NEURL4: variants seen among roughly 807,000 people sequenced by gnomAD.
The protein encoded by NEURL4 is neuralized E3 ubiquitin protein ligase 4.
Under a neutral mutation model 148.0 loss-of-function variants are expected in NEURL4, and 45 were observed. The observed-to-expected ratio is 0.30, with a 90% CI of 0.24 to 0.39. The LOEUF (loss-of-function observed/expected upper bound fraction) is 0.39. NEURL4 is among the 10% of genes least tolerant of loss of function. The pLI is 1.00. For missense variants in NEURL4, 1,776 were observed against 2,144.0 expected (o/e 0.83, Z 3.39); for synonymous variants, 854 against 869.0 (o/e 0.98, Z 0.30).
At position 7,329,044 on chromosome 17, in the gene NEURL4, C is replaced by T. The variant is rs763939883; in HGVS notation, c.269G>A (p.Arg90His). ...CCAGCGCTGCACCTTGCGGTCGATGCGGACGGTGAAGACGCGTCCATCGCG... is the reference window on the plus strand; with the variant it reads ...CCAGCGCTGCACCTTGCGGTCGATGTGGACGGTGAAGACGCGTCCATCGCG... ...PLRDGRVFTV[R>H]IDRKVNSWSG... is the part of the protein sequence containing the mutation. The change falls in exon 1 of 29, where the codon CGC (arginine) becomes CAC (histidine). Residue 90 changes from arginine (R) to histidine (H), a missense_variant. Physicochemically the swap from Arg to His is conservative, Grantham distance 29. Transcript: ENST00000399464. 1 of 1,580,412 alleles carries T rather than the reference C, an allele frequency of 6.3e-7. No individual in the cohort carries two copies. Among genetic ancestry groups the T allele is most frequent in the Non-Finnish European group, 8.6e-7 (1 of 1,161,236 alleles).
Position 7,325,464 on chromosome 17 carries a change from G to C in NEURL4, c.1376C>G (p.Thr459Ser). 2 of 1,611,214 alleles carry C rather than the reference G, an allele frequency of 1.2e-6. No homozygotes were observed. Among genetic ancestry groups the C allele is most frequent in the Middle Eastern group, 1.7e-4 (1 of 6,056 alleles). The stretch of plus-strand genomic sequence containing the variant: ...ATACACCACTGGGGGCGTCAAGGGG[G>C]TTGCCACTCCTGTGGCAGGAAGGTA... ...FINGIDQGVA[T>S]PLTPPVVYGV... The change falls in exon 8 of 29, where the codon ACC becomes AGC. Residue 459 changes from threonine to serine, a missense_variant. Physicochemically the swap from Thr to Ser is moderately conservative, Grantham distance 58. Transcript: ENST00000399464.
In NEURL4 at chr17:7,324,750, A is replaced by G; in HGVS notation, c.1813+49T>C. The G allele has an allele frequency of 6.3e-7, 1 of 1,591,724 alleles. No individual in the cohort carries two copies. Among genetic ancestry groups the G allele is most frequent in the Non-Finnish European group, 8.6e-7 (1 of 1,161,446 alleles). On this transcript the variant is annotated intron_variant, in intron 9 of 28. Coordinates refer to ENST00000399464, the MANE Select transcript of NEURL4 (RefSeq NM_032442.3). This position sits in a 1 kb window ranked among gnomAD's most constrained non-coding sequence, Gnocchi z 5.9. The stretch of plus-strand genomic sequence containing the variant: ...GAACAAGTGCCAGGGCTTTGGGGAT[A>G]GCTTCCCCCCAAAACCCTATCCTGT...
At position 7,320,786 on chromosome 17, in the gene NEURL4, T is replaced by C. The variant is rs1218385436; in HGVS notation, c.3498A>G (p.Gln1166=). ...SYNQGIVVIN[Q]PLVPQLLVQV... ...GCACCAGCAGCTGGGGCACCAGAGGTTGGTTGATGACAACGATGCCCTGAT... is the reference window on the plus strand; with the variant it reads ...GCACCAGCAGCTGGGGCACCAGAGGCTGGTTGATGACAACGATGCCCTGAT... Residue 1166 remains glutamine (Q), a synonymous_variant, in exon 21 of 29, where the codon CAA becomes CAG. Coordinates refer to ENST00000399464, the MANE Select transcript of NEURL4 (RefSeq NM_032442.3). The C allele has an allele frequency of 6.2e-7, 1 of 1,613,504 alleles. No individual in the cohort carries two copies.
At position 7,318,017 on chromosome 17, in the gene NEURL4, G is replaced by C. The variant is rs1486318403; in HGVS notation, c.4060+48C>G. 8 of 1,613,720 alleles carry C rather than the reference G, an allele frequency of 5.0e-6. No homozygotes were observed. Among genetic ancestry groups the C allele is most frequent in the Non-Finnish European group, 6.8e-6 (8 of 1,179,722 alleles). On this transcript the variant is annotated intron_variant, in intron 25 of 28. Transcript: ENST00000399464. This position sits in a 1 kb window ranked among gnomAD's most constrained non-coding sequence, Gnocchi z 4.3. ...CCTCCAGCTGCTCTCCAAGGCTCTA[G>C]GCCTGGCCCTGGGAATGAAGTCAGT...
chr17:7,329,129 G>A lies in NEURL4; in HGVS notation c.184C>T (p.Arg62Trp), dbSNP rs981489902. The change falls in exon 1 of 29, where the codon CGG (arginine) becomes TGG (tryptophan). Residue 62 changes from arginine (R) to tryptophan (W), a missense_variant. Physicochemically the swap from Arg to Trp is moderately radical, Grantham distance 101. Coordinates refer to ENST00000399464, the MANE Select transcript of NEURL4 (RefSeq NM_032442.3). ...VSLSACGRTARRQQPGQEFNH... is the reference protein window; with the variant it reads ...VSLSACGRTAWRQQPGQEFNH... ...AACTCCTGGCCCGGCTGCTGCCGCC[G>A]CGCCGTACGCCCACAGGCCGACAGG... 2 of 1,609,374 alleles carry A rather than the reference G, an allele frequency of 1.2e-6. No individual in the cohort carries two copies. The highest frequency in any genetic ancestry group is 2.2e-5 in the East Asian group (1 of 44,816).
chr17:7,320,324 A>G (rs116334663), intron 21 of NEURL4, among the ~76,000 whole-genome samples: 3,851 of 152,108 alleles, frequency 0.025, 154 homozygotes, highest in African/African-American at 0.087. Context: ...TTGTAGAGAC[A>G]GAGTTTCACT....
In NEURL4 at chr17:7,318,720, G is replaced by A. The variant is rs537452824; in HGVS notation, c.3685-46C>T. 38 of 1,553,280 alleles carry A rather than the reference G, an allele frequency of 2.4e-5. No homozygotes were observed. The South Asian group carries it at 3.4e-4, about 14-fold the overall frequency. On this transcript the variant is annotated intron_variant, in intron 22 of 28. Coordinates refer to ENST00000399464, the MANE Select transcript of NEURL4 (RefSeq NM_032442.3). This position sits in a 1 kb window ranked among gnomAD's most constrained non-coding sequence, Gnocchi z 4.3. ...TCTTCCAGAGGTCAGACTCCACCGC[G>A]GCAGCTGTCCCGCCCTTTGCTCTGC...
rs374160033 is a variant in NEURL4, at chr17:7,318,716, C to T, written c.3685-42G>A. 1.9e-6 allele frequency: 3 copies of T among 1,559,256 alleles called. No homozygotes were observed. The highest frequency in any genetic ancestry group is 1.4e-5 in the African/African-American group (1 of 73,336). ...GCTGTCTTCCAGAGGTCAGACTCCA[C>T]CGCGGCAGCTGTCCCGCCCTTTGCT... On this transcript the variant is annotated intron_variant, in intron 22 of 28. Coordinates refer to ENST00000399464, the MANE Select transcript of NEURL4 (RefSeq NM_032442.3). This position sits in a 1 kb window ranked among gnomAD's most constrained non-coding sequence, Gnocchi z 4.3.
In NEURL4 at chr17:7,324,311, T is replaced by G. The variant is rs550533059; in HGVS notation, c.1900-41A>C. On this transcript the variant is annotated intron_variant, in intron 10 of 28. Transcript: ENST00000399464. The surrounding 1 kb of genome is among the most constrained non-coding windows in gnomAD (Gnocchi z 5.9). ...TGCTGGAGTGAGGAGTCAGGCAGAGTTCCTGCCGGGGCTGGTCCTGCATCA... is the reference window on the plus strand; with the variant it reads ...TGCTGGAGTGAGGAGTCAGGCAGAGGTCCTGCCGGGGCTGGTCCTGCATCA... The G allele has an allele frequency of 2.5e-6, 4 of 1,613,288 alleles. No individual in the cohort carries two copies. The Admixed American group carries it at 5.0e-5, about 20-fold the overall frequency.
In NEURL4 at chr17:7,317,878, C is replaced by T. The variant is rs118077107; in HGVS notation, c.4115G>A (p.Arg1372Gln). 0.024 allele frequency: 38,359 copies of T among 1,614,158 alleles called. 569 individuals carry two copies. Among genetic ancestry groups the T allele is most frequent in the Non-Finnish European group, 0.028 (33,573 of 1,180,024 alleles). The change falls in exon 26 of 29, where the codon CGG (arginine) becomes CAG (glutamine). Residue 1372 changes from arginine to glutamine, a missense_variant. Transcript: ENST00000399464. ...GTGGGCCTCGTCTCCTCGCAGCTTC[C>T]GGCAAGACTCACAGTAGCACAGGCT... ...KRSLCYCESC[R>Q]KLRGDEAHRR...
At chr17:7,317,138 G>C in intron 28 of NEURL4, 67 bp downstream of exon 28, 1 of 1,201,682 alleles carries the variant, frequency 8.3e-7, no homozygotes, top group Admixed American at 2.7e-5. Context: ...GAAGACCCCA[G>C]TGGCTGCGCT....
In NEURL4 at chr17:7,321,980, G is replaced by A. The variant is rs2073040760; in HGVS notation, c.2756C>T (p.Thr919Ile). The A allele has an allele frequency of 1.9e-6, 3 of 1,612,120 alleles. No individual in the cohort carries two copies. The highest frequency in any genetic ancestry group is 1.3e-5 in the African/African-American group (1 of 74,890). ...VAGVAHRFHS[T>I]CGKNVTLEED... ...CTCTAGAGTGACGTTCTTGCCGCAA[G>A]TACTGTGGAATCGGTGAGCCACGCC... Residue 919 changes from threonine (T) to isoleucine (I), a missense_variant, in exon 17 of 29, where the codon ACT (threonine) becomes ATT (isoleucine). Thr to Ile is a moderately conservative substitution (Grantham distance 89). Transcript: ENST00000399464. The surrounding 1 kb of genome is among the most constrained non-coding windows in gnomAD (Gnocchi z 6.3).
In NEURL4 at chr17:7,326,169, G is replaced by A. The variant is rs925703609; in HGVS notation, c.1293+86C>T. On this transcript the variant is annotated intron_variant, in intron 6 of 28. Coordinates refer to ENST00000399464, the MANE Select transcript of NEURL4 (RefSeq NM_032442.3). The surrounding 1 kb of genome is among the most constrained non-coding windows in gnomAD (Gnocchi z 6.0). ...ACAGGGACTGCCTCTAGGTCACATA[G>A]GAGACCCTGCTTGGTGCCCTGGCAG... 1 of 1,296,670 alleles carries A rather than the reference G, an allele frequency of 7.7e-7. No homozygotes were observed. The highest frequency in any genetic ancestry group is 1.5e-5 in the African/African-American group (1 of 68,238). The allele number at this position is 1,296,670 out of a possible 1,614,324, so 80.3% of individuals were successfully genotyped here. A position where few individuals can be genotyped will look rare whatever the true frequency, so the allele number is the denominator to read the frequency against.
At chr17:7,323,150 C>G in intron 14 of NEURL4, 27 bp from the exon 15 acceptor site, 1 of 1,600,500 alleles carries the variant, frequency 6.2e-7, no homozygotes, top group Non-Finnish European at 8.5e-7. Flanking sequence ...AGGGGTGAGT[C>G]AGCCTGCCAA....
chr17:7,321,896 G>A lies in NEURL4; in HGVS notation c.2840C>T (p.Thr947Ile). ...GACTTCCTCAGCCCTCAGCTCCTTG[G>A]TACTGAAGACAAGGCCATGAGCATA... ...AGYAHGLVFSTKELRAEEVFE... is the reference protein window; with the variant it reads ...AGYAHGLVFSIKELRAEEVFE... The change falls in exon 17 of 29, where the codon ACC (threonine) becomes ATC (isoleucine). Residue 947 changes from threonine (T) to isoleucine (I), a missense_variant. By Grantham distance (89) the Thr-to-Ile change is moderately conservative. Coordinates refer to ENST00000399464, the MANE Select transcript of NEURL4 (RefSeq NM_032442.3). This position sits in a 1 kb window ranked among gnomAD's most constrained non-coding sequence, Gnocchi z 6.3. 1 of 1,613,980 alleles carries A rather than the reference G, an allele frequency of 6.2e-7. No individual in the cohort carries two copies. The highest frequency in any genetic ancestry group is 8.5e-7 in the Non-Finnish European group (1 of 1,179,992).
Position 7,321,888 on chromosome 17 carries a change from G to C in NEURL4, c.2848C>G (p.Leu950Val), listed in dbSNP as rs1392039313. 1 of 1,613,954 alleles carries C rather than the reference G, an allele frequency of 6.2e-7. No homozygotes were observed. Among genetic ancestry groups the C allele is most frequent in the Admixed American group, 1.7e-5 (1 of 60,020 alleles). The change falls in exon 17 of 29, where the codon CTG becomes GTG. Residue 950 changes from leucine (L) to valine (V), a missense_variant. Leu to Val is a conservative substitution (Grantham distance 32). Coordinates refer to ENST00000399464, the MANE Select transcript of NEURL4 (RefSeq NM_032442.3). This position sits in a 1 kb window ranked among gnomAD's most constrained non-coding sequence, Gnocchi z 6.3. The part of the protein sequence containing the change: ...AHGLVFSTKE[L>V]RAEEVFEVKV... ...ACCTCAAAGACTTCCTCAGCCCTCA[G>C]CTCCTTGGTACTGAAGACAAGGCCA...
intron 8 of NEURL4, 65 bp downstream of exon 8, chr17:7,325,144 T>TGGGGGGGGGGCGGGGGGGGGGGGGGG: frequency 1.0e-6 from 1 of 956,488 alleles, no homozygotes; most frequent in Non-Finnish European, 1.5e-6. Context: ...TCCACTTCCT[T>TGGGGGGGGGGCGGGGGGGGGGGGGGG]GCCCCGCCCC....
At chr17:7,325,145 G>GCCCCCCCCCCCCCCCCCCCCCCCCCC in intron 8 of NEURL4, 64 bp downstream of exon 8, 1 of 830,660 alleles carries the variant, frequency 1.2e-6, no homozygotes. Context: ...CCACTTCCTT[G>GCCCCCCCCCCCCCCCCCCCCCCCCCC]CCCCGCCCCC....
In NEURL4 at chr17:7,319,104, G is replaced by C; in HGVS notation, c.3630C>G (p.Leu1210=). 1 of 1,614,102 alleles carries C rather than the reference G, an allele frequency of 6.2e-7. No individual in the cohort carries two copies. Among genetic ancestry groups the C allele is most frequent in the Non-Finnish European group, 8.5e-7 (1 of 1,180,000 alleles). Residue 1210 remains leucine (L), a synonymous_variant, in exon 22 of 29, where the codon CTC becomes CTG. Transcript: ENST00000399464. ...RLNFPASACA[L]KRAAWLLRGR... is the part of the protein sequence containing the mutation. ...CCCGCAGCAGCCAGGCTGCCCGTTT[G>C]AGGGCACAGGCAGAAGCAGGGAAGT... is the stretch of plus-strand genomic sequence containing the variant.
Sources: gnomAD v4.1 joint callset for allele counts (sites outside exome capture counted in the v4.1 genomes callset) on GRCh38, gnomAD v4.1.1 for gene constraint, Gnocchi (gnomAD v3.1) non-coding constraint, MANE v1.5 for transcripts, NCBI Gene and HGNC (gene_info 2026-07-23, HGNC 2026-07-21) for gene names.